TYW1: variants seen among roughly 807,000 people sequenced by gnomAD.
TYW1 encodes the protein tRNA-yW synthesizing protein 1 homolog, also known as S-adenosyl-L-methionine-dependent tRNA 4-demethylwyosine synthase TYW1.
Under a neutral mutation model 96.2 loss-of-function variants are expected in TYW1, and 46 were observed. That is an observed-to-expected ratio of 0.48 (90% confidence interval 0.38 to 0.61). The LOEUF is 0.61. TYW1 is among the 20% of genes least tolerant of loss of function. The pLI, the probability that TYW1 is intolerant of heterozygous loss-of-function variation, is 0.00. For missense variants in TYW1, 684 were observed against 909.6 expected (o/e 0.75, Z 3.19); for synonymous variants, 274 against 323.0 (o/e 0.85, Z 1.63).
rs559254303 is a variant in TYW1, at chr7:67,226,715, G to A, written c.1978-11593G>A. 5.1e-4 allele frequency among the ~76,000 whole-genome samples: 77 copies of A among 152,190 alleles called. 1 individual carries two copies. Among genetic ancestry groups the A allele is most frequent in the African/African-American group, 1.8e-3 (74 of 41,520 alleles). On this transcript the variant is annotated intron_variant, in intron 15 of 15. Coordinates refer to ENST00000359626, the MANE Select transcript of TYW1 (RefSeq NM_018264.4). ...ACAGTTCCCCTGTCTTGATTAATTGGCTCTGTCTAGGCAGTGGGCAAGGTG... is the reference window on the plus strand; with the variant it reads ...ACAGTTCCCCTGTCTTGATTAATTGACTCTGTCTAGGCAGTGGGCAAGGTG...
At chr7:67,126,306 C>G (rs1448836393) in intron 13 of TYW1, among the ~76,000 whole-genome samples, 1 of 151,424 alleles carries the variant, frequency 6.6e-6, no homozygotes, top group Non-Finnish European at 1.5e-5. Flanking sequence ...CTGCTATGGT[C>G]TTTGGCCCAT....
At chr7:67,026,866 G>T (rs1419034949) in intron 7 of TYW1, among the ~76,000 whole-genome samples, 1 of 152,026 alleles carries the variant, frequency 6.6e-6, no homozygotes, top group Non-Finnish European at 1.5e-5. Context: ...ATTAAAGGTG[G>T]ACTCTGAAGA....
rs1322315789 is a variant in TYW1, at chr7:67,050,132, A to G, written c.1102+66A>G. The stretch of plus-strand genomic sequence containing the variant: ...TAGGCATTCTCATTTGATACCTGGA[A>G]TGAAGTCTCTCTCTAATTAGCTCAG... On this transcript the variant is annotated intron_variant, in intron 8 of 15. Coordinates refer to ENST00000359626, the MANE Select transcript of TYW1 (RefSeq NM_018264.4). 3.0e-5 allele frequency: 47 copies of G among 1,565,428 alleles called. 1 individual carries two copies. Among genetic ancestry groups the G allele is most frequent in the Non-Finnish European group, 3.5e-6 (4 of 1,143,164 alleles).
At chr7:66,999,059 T>C (rs1793291475) in intron 3 of TYW1, 105 bp downstream of exon 3, 3 of 1,158,398 alleles carry the variant, frequency 2.6e-6, no homozygotes, top group Admixed American at 4.5e-5. Flanking sequence ...GTGAACTGAA[T>C]TGGTCATCTA....
chr7:67,001,088 T>A (rs1793370353), intron 3 of TYW1, among the ~76,000 whole-genome samples: 1 of 151,348 alleles, frequency 6.6e-6, no homozygotes, highest in Non-Finnish European at 1.5e-5. Flanking sequence ...TTTACCTTTT[T>A]AAAAAAAATG....
At chr7:67,103,168 A>G (rs1167578220) in intron 12 of TYW1, among the ~76,000 whole-genome samples, 2 of 152,242 alleles carry the variant, frequency 1.3e-5, no homozygotes, top group Non-Finnish European at 2.9e-5. Context: ...GAACAAAAGC[A>G]AGTCTGAGAT....
chr7:67,045,911 G>A (rs1053665358), intron 7 of TYW1, among the ~76,000 whole-genome samples: 3 of 152,204 alleles, frequency 2.0e-5, no homozygotes, highest in African/African-American at 7.2e-5. Context: ...CCCTAGAACT[G>A]TTTTACTGGG....
At chr7:67,220,903 A>C (rs2116418213) in intron 15 of TYW1, among the ~76,000 whole-genome samples, 1 of 151,772 alleles carries the variant, frequency 6.6e-6, no homozygotes, top group East Asian at 1.9e-4. Flanking sequence ...ATGCCCAGCT[A>C]ATTTTGTATT....
chr7:67,035,565 C>A (rs1384174721), intron 7 of TYW1, among the ~76,000 whole-genome samples: 3 of 152,160 alleles, frequency 2.0e-5, no homozygotes, highest in Non-Finnish European at 4.4e-5. Flanking sequence ...GAAAAACGCA[C>A]AGAGCTCCCT....
chr7:67,064,699 C>G (rs1177034715), intron 9 of TYW1, among the ~76,000 whole-genome samples: 1 of 152,156 alleles, frequency 6.6e-6, no homozygotes, highest in African/African-American at 2.4e-5. Context: ...GATTCAGTTC[C>G]TCCCCGGGTC....
intron 13 of TYW1, among the ~76,000 whole-genome samples, chr7:67,161,127 CT>C (rs1291196521): frequency 6.6e-6 from 1 of 152,184 alleles, no homozygotes; most frequent in East Asian, 1.9e-4. Flanking sequence ...GTTAGCATAG[CT>C]TTATAGTAAG....
intron 11 of TYW1, among the ~76,000 whole-genome samples, chr7:67,096,276 GC>G (rs201054992): frequency 0.018 from 2,774 of 152,304 alleles, 76 homozygotes; most frequent in African/African-American, 0.063. Flanking sequence ...TGTAGTCCCA[GC>G]TACTCGGGAG....
intron 13 of TYW1, among the ~76,000 whole-genome samples, chr7:67,118,621 G>A (rs982533037): frequency 2.0e-5 from 3 of 151,904 alleles, no homozygotes; most frequent in African/African-American, 7.3e-5. Flanking sequence ...CAGGCCAGGT[G>A]TGGTAGCTCA....
At chr7:67,215,070 A>G (rs1801160356) in intron 15 of TYW1, among the ~76,000 whole-genome samples, 1 of 150,186 alleles carries the variant, frequency 6.7e-6, no homozygotes, top group Non-Finnish European at 1.5e-5. Context: ...ACTGCAGAGA[A>G]TGGATGTTAT....
intron 13 of TYW1, among the ~76,000 whole-genome samples, chr7:67,163,406 G>A (rs1430553489): frequency 6.6e-5 from 10 of 152,170 alleles, no homozygotes; most frequent in African/African-American, 2.2e-4. Flanking sequence ...GCTTTCTTGC[G>A]CTCATCTCTT....
chr7:67,081,844 C>T (rs186179915), intron 10 of TYW1, among the ~76,000 whole-genome samples: 40 of 146,034 alleles, frequency 2.7e-4, no homozygotes, highest in Admixed American at 1.3e-3. Flanking sequence ...CTGACTGGGT[C>T]ATTTCAAAAG....
At chr7:67,079,570 G>C (rs1479173866) in intron 10 of TYW1, among the ~76,000 whole-genome samples, 1 of 148,694 alleles carries the variant, frequency 6.7e-6, no homozygotes, top group Non-Finnish European at 1.5e-5. Context: ...GTTGATTTTT[G>C]TGTTCTTTTA....
At chr7:67,063,401 A>G (rs1239111309) in intron 9 of TYW1, among the ~76,000 whole-genome samples, 1 of 152,266 alleles carries the variant, frequency 6.6e-6, no homozygotes, top group Non-Finnish European at 1.5e-5. Context: ...CCTGTTTTAC[A>G]TAGTATTGTA....
intron 13 of TYW1, among the ~76,000 whole-genome samples, chr7:67,160,288 AATTTGTGTCTATT>A (rs1246898100): frequency 6.6e-6 from 1 of 151,950 alleles, no homozygotes; most frequent in African/African-American, 2.4e-5. Flanking sequence ...AATTGTTTCC[AATTTGTGTCTATT>A]ATGAACATTG....
Sources: gnomAD v4.1 joint callset for allele counts (sites outside exome capture counted in the v4.1 genomes callset) on GRCh38, gnomAD v4.1.1 for gene constraint, MANE v1.5 for transcripts, NCBI Gene and HGNC (gene_info 2026-07-23, HGNC 2026-07-21) for gene names.